The following RPSA2 variants were observed in gnomAD, a reference collection of about 807,000 sequenced individuals.
RPSA2 encodes ribosomal protein SA 2, also known as small ribosomal subunit protein uS2B.
At chr19:23,784,041 G>T in the RPSA2 span, among the ~76,000 whole-genome samples, 1 of 152,164 alleles carries the variant, frequency 6.6e-6, no homozygotes, top group Non-Finnish European at 1.5e-5. Context: ...TCTTGTGTTT[G>T]TTCTCTACCC....
the RPSA2 span, among the ~76,000 whole-genome samples, chr19:23,857,775 G>T: frequency 1.3e-5 from 2 of 152,074 alleles, no homozygotes; most frequent in African/African-American, 4.8e-5. Context: ...GATTGCAGGA[G>T]TGAGCCACTG....
At chr19:23,824,044 T>C in the RPSA2 span, 1 of 152,158 alleles carries the variant, frequency 6.6e-6, no homozygotes, top group Non-Finnish European at 1.5e-5. Flanking sequence ...GCTCAGTGGA[T>C]TCACACACAA....
At chr19:23,832,759 A>T in the RPSA2 span, 11 of 1,567,134 alleles carry the variant, frequency 7.0e-6, no homozygotes, top group Middle Eastern at 5.1e-4. Flanking sequence ...CCAGTCATCA[A>T]TCCTTACTCG....
chr19:23,840,691 C>T, the RPSA2 span, among the ~76,000 whole-genome samples: 31 of 152,086 alleles, frequency 2.0e-4, no homozygotes, highest in Non-Finnish European at 1.8e-4. Context: ...GGCACGGTGG[C>T]TGACACCTGT....
the RPSA2 span, among the ~76,000 whole-genome samples, chr19:23,828,376 A>G: frequency 6.2e-5 from 9 of 144,016 alleles, no homozygotes; most frequent in Non-Finnish European, 1.2e-4. Flanking sequence ...GAGTCTCTGT[A>G]TACTTTTGAG....
At chr19:23,768,385 A>G in the RPSA2 span, among the ~76,000 whole-genome samples, 1 of 150,938 alleles carries the variant, frequency 6.6e-6, no homozygotes, top group African/African-American at 2.4e-5. Context: ...TCTTTTTTTC[A>G]AAGTCTAGAA....
the RPSA2 span, among the ~76,000 whole-genome samples, chr19:23,791,134 T>C: frequency 2.6e-5 from 4 of 152,318 alleles, no homozygotes; most frequent in African/African-American, 9.6e-5. Flanking sequence ...ACAATGAAAG[T>C]ATTAAATAAT....
At chr19:23,760,684 A>C in the RPSA2 span, among the ~76,000 whole-genome samples, 4 of 144,148 alleles carry the variant, frequency 2.8e-5, no homozygotes, top group Non-Finnish European at 6.0e-5. Flanking sequence ...TTTTTTTTTA[A>C]GACAGAGTCT....
the RPSA2 span, among the ~76,000 whole-genome samples, chr19:23,840,032 T>C: frequency 6.6e-6 from 1 of 152,168 alleles, no homozygotes; most frequent in Non-Finnish European, 1.5e-5. Context: ...TTTAAGGACA[T>C]ATTCTGAAGA....
At chr19:23,867,469 G>A in the RPSA2 span, among the ~76,000 whole-genome samples, 33 of 152,188 alleles carry the variant, frequency 2.2e-4, no homozygotes, top group African/African-American at 8.0e-4. Context: ...GAATATCAGA[G>A]TGGGAAAGGT....
the RPSA2 span, chr19:23,843,229 AG>A: frequency 3.8e-6 from 1 of 266,642 alleles, no homozygotes; most frequent in Non-Finnish European, 7.8e-6. Flanking sequence ...AGCAAATAAA[AG>A]AACCCTGGTA....
chr19:23,837,497 G>T, the RPSA2 span, among the ~76,000 whole-genome samples: 1 of 152,250 alleles, frequency 6.6e-6, no homozygotes, highest in Non-Finnish European at 1.5e-5. Context: ...ACTCTGTGAA[G>T]AATGTTGGTG....
chr19:23,870,411 C>A, the RPSA2 span, among the ~76,000 whole-genome samples: 1 of 122,980 alleles, frequency 8.1e-6, no homozygotes, highest in East Asian at 2.5e-4. Flanking sequence ...GTCATTCACA[C>A]TCATATTTGT....
chr19:23,845,016 A>T, the RPSA2 span, among the ~76,000 whole-genome samples: 1 of 142,586 alleles, frequency 7.0e-6, no homozygotes, highest in African/African-American at 2.6e-5. Flanking sequence ...CCATGAATTT[A>T]TTCATTCTTT....
the RPSA2 span, among the ~76,000 whole-genome samples, chr19:23,764,800 TA>T: frequency 8.7e-3 from 1,238 of 142,312 alleles, 2 homozygotes; most frequent in Middle Eastern, 0.025. Context: ...AACTCCACTT[TA>T]AAAAAAAAAA....
At chr19:23,856,265 T>C in the RPSA2 span, among the ~76,000 whole-genome samples, 1 of 152,056 alleles carries the variant, frequency 6.6e-6, no homozygotes, top group East Asian at 1.9e-4. Flanking sequence ...TAATTTCCTG[T>C]CGGGACCAGT....
the RPSA2 span, among the ~76,000 whole-genome samples, chr19:23,794,432 C>T: frequency 1.3e-5 from 2 of 152,138 alleles, no homozygotes; most frequent in Non-Finnish European, 2.9e-5. Context: ...CTTTGCATTT[C>T]TCTAATGATT....
chr19:23,808,875 A>T, the RPSA2 span: 1 of 427,694 alleles, frequency 2.3e-6, no homozygotes, highest in African/African-American at 2.1e-5. Flanking sequence ...GAAGAAAGCA[A>T]GTCTTTAAAG....
chr19:23,857,389 A>G, the RPSA2 span, among the ~76,000 whole-genome samples: 6 of 151,734 alleles, frequency 4.0e-5, no homozygotes, highest in Non-Finnish European at 7.4e-5. Flanking sequence ...ATGTTCCTCT[A>G]CCGTGGCTCC....
Sources: gnomAD v4.1 joint callset for allele counts (sites outside exome capture counted in the v4.1 genomes callset) on GRCh38, gnomAD v4.1.1 for gene constraint, MANE v1.5 for transcripts, NCBI Gene and HGNC (gene_info 2026-07-23, HGNC 2026-07-21) for gene names.